UBE2V1: variants seen among roughly 807,000 people sequenced by gnomAD.
UBE2V1 encodes the protein ubiquitin-conjugating enzyme E2 variant 1.
Under a neutral mutation model 19.6 loss-of-function variants are expected in UBE2V1, and 15 were observed. The observed-to-expected ratio is 0.77, with a 90% CI of 0.51 to 1.18. The LOEUF is 1.18. UBE2V1 is among the 50% of genes most tolerant of loss of function. The pLI is 0.00. For synonymous variants in UBE2V1, 60 were observed against 60.7 expected (o/e 0.99, Z 0.05); for missense variants, 125 against 184.8 (o/e 0.68, Z 1.88).
intron 1 of UBE2V1, among the ~76,000 whole-genome samples, chr20:50,103,491 G>A (rs1455894182): frequency 6.6e-6 from 1 of 152,044 alleles, no homozygotes; most frequent in South Asian, 2.1e-4. Flanking sequence ...CTGCAACCTC[G>A]GTCTCCTGTG....
At chr20:50,109,654 C>T (rs1269202088) in intron 1 of UBE2V1, among the ~76,000 whole-genome samples, 1 of 149,100 alleles carries the variant, frequency 6.7e-6, no homozygotes, top group Non-Finnish European at 1.5e-5. Flanking sequence ...GAGGCTGAGG[C>T]AGGAGAATCG....
chr20:50,082,886 G>A lies in UBE2V1; in HGVS notation c.326C>T (p.Ala109Val). The A allele has an allele frequency of 6.2e-7, 1 of 1,610,610 alleles. No individual in the cohort carries two copies. Among genetic ancestry groups the A allele is most frequent in the Non-Finnish European group, 8.5e-7 (1 of 1,179,816 alleles). The change falls in exon 4 of 4, where the codon GCA (alanine) becomes GTA (valine). Residue 109 changes from alanine to valine, a missense_variant. Around this residue, in one of 3 missense-constraint regions of UBE2V1, gnomAD observed 78 missense variants for 108.8 expected, o/e 0.72. Transcript: ENST00000371674. ...VVDPRAISVL[A>V]KWQNSYSIKV... is the part of the protein sequence containing the mutation. Reference sequence around the variant, plus strand: ...GATGCTATATGAATTCTGCCATTTTGCTAGCACTGATATGGCTCTTGGGTC... The same window carrying A: ...GATGCTATATGAATTCTGCCATTTTACTAGCACTGATATGGCTCTTGGGTC...
intron 3 of UBE2V1, 60 bp downstream of exon 3, chr20:50,084,069 T>C (rs1211519186): frequency 2.0e-5 from 31 of 1,523,644 alleles, no homozygotes; most frequent in Non-Finnish European, 2.5e-5. Flanking sequence ...AAGCTCCTGA[T>C]GTTAAGTACA....
intron 1 of UBE2V1, among the ~76,000 whole-genome samples, chr20:50,103,007 C>T (rs1016671278): frequency 3.3e-5 from 5 of 152,218 alleles, no homozygotes; most frequent in African/African-American, 9.7e-5. Context: ...GTCTAACTGT[C>T]CATTCCCTTA....
intron 1 of UBE2V1, among the ~76,000 whole-genome samples, chr20:50,107,934 C>T (rs1039714997): frequency 2.0e-5 from 3 of 152,204 alleles, no homozygotes; most frequent in Non-Finnish European, 2.9e-5. Flanking sequence ...TGCTCAGGGA[C>T]GGCCTTTCTG....
intron 2 of UBE2V1, among the ~76,000 whole-genome samples, chr20:50,094,036 T>TAAAAAAAA (rs1244336274): frequency 3.1e-5 from 2 of 65,170 alleles, no homozygotes; most frequent in African/African-American, 1.6e-4. Context: ...AATAATAAAA[T>TAAAAAAAA]ATATATATAT....
intron 2 of UBE2V1, among the ~76,000 whole-genome samples, chr20:50,086,731 A>G (rs1568972089): frequency 6.8e-6 from 1 of 146,854 alleles, no homozygotes; most frequent in African/African-American, 2.5e-5. Flanking sequence ...GGAAGACAGT[A>G]AAAAAAAAAG....
rs1256799742 is a variant in UBE2V1, at chr20:50,092,321, C to CA, written c.171+4350dup. ...TGGGCAACAGAATAAGACTCCATCT[C>CA]AAAAAAACAGAAAAAACACTATTTT... On this transcript the variant is annotated intron_variant, in intron 2 of 3. Transcript: ENST00000371674. Among the ~76,000 whole-genome samples the CA allele has an allele frequency of 3.3e-5, 5 of 151,938 alleles. No homozygotes were observed. In the South Asian group the frequency reaches 1.0e-3, roughly 32 times the overall value.
intron 2 of UBE2V1, among the ~76,000 whole-genome samples, chr20:50,091,755 T>C (rs2079245091): frequency 6.6e-6 from 1 of 152,132 alleles, no homozygotes; most frequent in Non-Finnish European, 1.5e-5. Context: ...CCACCATCTA[T>C]TAGGTGAAAA....
chr20:50,084,960 G>A (rs889699820), intron 2 of UBE2V1, among the ~76,000 whole-genome samples: 9 of 146,670 alleles, frequency 6.1e-5, no homozygotes, highest in East Asian at 2.0e-4. Flanking sequence ...GCAATGGTGC[G>A]ATCTCGGCTC....
intron 2 of UBE2V1, among the ~76,000 whole-genome samples, chr20:50,088,933 T>TA (rs2079072571): frequency 5.3e-5 from 8 of 152,212 alleles, no homozygotes; most frequent in Admixed American, 5.2e-4. Context: ...CTTACATAGT[T>TA]ATATACAAAT....
At chr20:50,102,282 A>C (rs927026019) in intron 1 of UBE2V1, among the ~76,000 whole-genome samples, 25 of 152,214 alleles carry the variant, frequency 1.6e-4, no homozygotes, top group African/African-American at 6.0e-4. Context: ...AAACAAAAAA[A>C]CTGGCCTGTA....
intron 2 of UBE2V1, among the ~76,000 whole-genome samples, chr20:50,091,497 G>A (rs1040857472): frequency 2.0e-5 from 3 of 146,766 alleles, no homozygotes; most frequent in African/African-American, 7.8e-5. Context: ...TACCTCCCAG[G>A]TTCAAGTGAT....
chr20:50,104,004 C>CAGTA (rs2080180422), intron 1 of UBE2V1, among the ~76,000 whole-genome samples: 1 of 148,898 alleles, frequency 6.7e-6, no homozygotes. Flanking sequence ...CAGTATCAGG[C>CAGTA]CAGGCGTGGT....
chr20:50,107,439 T>A (rs964889177), intron 1 of UBE2V1, among the ~76,000 whole-genome samples: 4 of 152,210 alleles, frequency 2.6e-5, no homozygotes, highest in Non-Finnish European at 4.4e-5. Flanking sequence ...TGTGTTCTGC[T>A]GCTAGGGTCA....
chr20:50,110,233 G>A (rs2080666039), intron 1 of UBE2V1, among the ~76,000 whole-genome samples: 1 of 152,242 alleles, frequency 6.6e-6, no homozygotes, highest in Non-Finnish European at 1.5e-5. Context: ...GGCCAAGGCA[G>A]GAGGAAGTCA....
At chr20:50,102,545 A>G (rs1210014485) in intron 1 of UBE2V1, among the ~76,000 whole-genome samples, 2 of 152,102 alleles carry the variant, frequency 1.3e-5, no homozygotes, top group Non-Finnish European at 2.9e-5. Flanking sequence ...CACATGCGCT[A>G]CCATGCCTGA....
At chr20:50,087,712 CAG>C (rs1600975868) in intron 2 of UBE2V1, among the ~76,000 whole-genome samples, 1 of 152,284 alleles carries the variant, frequency 6.6e-6, no homozygotes, top group East Asian at 1.9e-4. Flanking sequence ...CAATTTCCTT[CAG>C]AGAGACGCAA....
intron 2 of UBE2V1, among the ~76,000 whole-genome samples, chr20:50,094,491 C>G (rs1163708047): frequency 6.6e-6 from 1 of 151,288 alleles, no homozygotes; most frequent in African/African-American, 2.4e-5. Flanking sequence ...TGTTCATCAA[C>G]AAATGGAAAA....
Sources: gnomAD v4.1 joint callset for allele counts (sites outside exome capture counted in the v4.1 genomes callset) on GRCh38, gnomAD v4.1.1 for gene constraint, gnomAD v4.1.1 regional missense constraint, MANE v1.5 for transcripts, NCBI Gene and HGNC (gene_info 2026-07-23, HGNC 2026-07-21) for gene names.